The following TIA1 variants were observed in gnomAD, a reference collection of about 807,000 sequenced individuals.
The protein encoded by TIA1 is cytotoxic granule associated RNA binding protein TIA1.
A neutral mutation model predicts 65.9 loss-of-function variants in TIA1; 23 were observed. That is an observed-to-expected ratio of 0.35 (90% CI 0.25 to 0.49). TIA1 has a LOEUF of 0.49. TIA1 is among the 20% of genes least tolerant of loss of function. The pLI, the probability that TIA1 is intolerant of heterozygous loss-of-function variation, is 0.98. For synonymous variants in TIA1, 147 were observed against 149.4 expected (o/e 0.98, Z 0.12); for missense variants, 371 against 477.9 (o/e 0.78, Z 2.09).
At chr2:70,228,395 C>G (rs1279697256) in intron 5 of TIA1, 2 of 1,287,980 alleles carry the variant, frequency 1.6e-6, no homozygotes, top group Admixed American at 4.6e-5. Flanking sequence ...TCTCAAAAGC[C>G]AACAGTTTTG....
In TIA1 at chr2:70,212,033, C is replaced by T. The variant is rs1314982786; in HGVS notation, c.*686G>A. The T allele has an allele frequency of 6.6e-6, 1 of 152,528 alleles. No homozygotes were observed. Among genetic ancestry groups the T allele is most frequent in the Non-Finnish European group, 1.5e-5 (1 of 68,010 alleles). 9.4% of individuals were successfully genotyped at this position (152,528 alleles called of 1,614,324 possible). A position where few individuals can be genotyped will look rare whatever the true frequency, so the allele number is the denominator to read the frequency against. The stretch of plus-strand genomic sequence containing the variant: ...TCTTGAGGCACCTTCTCATATAAAA[C>T]ACAAGATGAATGCAATTATCAATCC... On this transcript the variant is annotated 3_prime_UTR_variant, in exon 13 of 13. Coordinates refer to ENST00000433529, the MANE Select transcript of TIA1 (RefSeq NM_022173.4).
At chr2:70,247,430 G>A (rs1694855261) in intron 1 of TIA1, among the ~76,000 whole-genome samples, 1 of 151,980 alleles carries the variant, frequency 6.6e-6, no homozygotes, top group Non-Finnish European at 1.5e-5. Context: ...CAAACTGCCA[G>A]TATTCCAAGA....
chr2:70,215,070 G>A, intron 11 of TIA1: 2 of 277,854 alleles, frequency 7.2e-6, no homozygotes, highest in Non-Finnish European at 1.3e-5. Flanking sequence ...ATGCTTGTGA[G>A]TTCTCCAAAT....
At chr2:70,231,239 T>C (rs935607101) in intron 2 of TIA1, among the ~76,000 whole-genome samples, 1 of 151,420 alleles carries the variant, frequency 6.6e-6, no homozygotes, top group African/African-American at 2.4e-5. Context: ...GAGGTGGAGG[T>C]TGCAGTAAGC....
intron 2 of TIA1, among the ~76,000 whole-genome samples, chr2:70,231,448 TA>T (rs201330386): frequency 1.2e-3 from 173 of 141,818 alleles, no homozygotes; most frequent in Admixed American, 1.1e-3. Flanking sequence ...AATTAAAAAG[TA>T]AAAAAAAAAA....
chr2:70,228,155 C>A (rs759197106), intron 5 of TIA1, among the ~76,000 whole-genome samples: 1 of 152,058 alleles, frequency 6.6e-6, no homozygotes, highest in Non-Finnish European at 1.5e-5. Context: ...GACTTAGTTA[C>A]CATTCTAATA....
rs761060738 is a variant in TIA1, at chr2:70,248,384, T to G, written c.26+21A>C. The G allele has an allele frequency of 5.0e-6, 8 of 1,598,088 alleles. No individual in the cohort carries two copies. The South Asian group carries it at 6.6e-5, about 13-fold the overall frequency. On this transcript the variant is annotated intron_variant, in intron 1 of 12. Transcript: ENST00000433529. ...CGGGACGACCACCATCCCGCCTCCC[T>G]CATCGCTGCCCCAGACTCACAGAGT... is the stretch of plus-strand genomic sequence containing the variant.
At chr2:70,237,809 C>T (rs894597476) in intron 1 of TIA1, among the ~76,000 whole-genome samples, 3 of 150,460 alleles carry the variant, frequency 2.0e-5, no homozygotes, top group East Asian at 2.0e-4. Flanking sequence ...GAGGTTGCAA[C>T]GAGCCCCGAT....
chr2:70,245,914 ATTTTTTTTT>A (rs199977940), intron 1 of TIA1, among the ~76,000 whole-genome samples: 8,769 of 124,846 alleles, frequency 0.07, 813 homozygotes, highest in African/African-American at 0.26. Context: ...ATTCTACCAG[ATTTTTTTTT>A]TTTTTTTTTT....
chr2:70,224,954 C>T (rs1683172035), intron 6 of TIA1: 1 of 1,066,634 alleles, frequency 9.4e-7, no homozygotes, highest in Non-Finnish European at 1.1e-6. Context: ...ATAAAGTTCA[C>T]AGGACATTAG....
chr2:70,240,037 C>T (rs1477017110), intron 1 of TIA1, among the ~76,000 whole-genome samples: 1 of 152,134 alleles, frequency 6.6e-6, no homozygotes, highest in Non-Finnish European at 1.5e-5. Context: ...TTAATTAATG[C>T]TTAAACTACT....
chr2:70,229,101 A>G lies in TIA1; in HGVS notation c.278-10T>C. On this transcript the variant is annotated splice_polypyrimidine_tract_variant and intron_variant, in intron 4 of 12. Transcript: ENST00000433529. ...CTGACAACGGTACTACCTGATGACA[A>G]AGATTAGATTTGTTCTTAAATTTAT... 1 of 1,613,852 alleles carries G rather than the reference A, an allele frequency of 6.2e-7. No individual in the cohort carries two copies. Among genetic ancestry groups the G allele is most frequent in the Non-Finnish European group, 8.5e-7 (1 of 1,179,846 alleles).
At chr2:70,228,381 G>C (rs1255107677) in intron 5 of TIA1, 4 of 1,288,194 alleles carry the variant, frequency 3.1e-6, no homozygotes, top group Non-Finnish European at 4.0e-6. Flanking sequence ...GTATTTGACA[G>C]TTTTCTCAAA....
intron 5 of TIA1, chr2:70,228,800 AT>A: frequency 7.3e-7 from 1 of 1,370,602 alleles, no homozygotes; most frequent in Non-Finnish European, 9.4e-7. Flanking sequence ...AAAGGAGGGT[AT>A]TTTGCCCCTT....
At chr2:70,220,789 G>A (rs1435627238) in intron 7 of TIA1, among the ~76,000 whole-genome samples, 5 of 151,950 alleles carry the variant, frequency 3.3e-5, no homozygotes, top group Non-Finnish European at 2.9e-5. Context: ...AGAAGCATAT[G>A]CAAACAACTC....
At chr2:70,216,051 CA>C (rs1210105216) in intron 10 of TIA1, 156 bp downstream of exon 10, 2 of 729,920 alleles carry the variant, frequency 2.7e-6, no homozygotes, top group South Asian at 1.9e-5. Context: ...CGCACCCGGC[CA>C]AAATTTCAAC....
At chr2:70,237,197 G>A (rs767153577) in intron 1 of TIA1, among the ~76,000 whole-genome samples, 6 of 151,792 alleles carry the variant, frequency 4.0e-5, no homozygotes, top group Non-Finnish European at 5.9e-5. Context: ...GAGGCCAGGA[G>A]TTGAGACCAG....
At chr2:70,238,460 AC>A (rs993637453) in intron 1 of TIA1, among the ~76,000 whole-genome samples, 35 of 151,458 alleles carry the variant, frequency 2.3e-4, no homozygotes, top group African/African-American at 8.5e-4. Context: ...TTTGGTAGAG[AC>A]GGGGTTTCAC....
At chr2:70,248,259 G>T (rs1695372351) in intron 1 of TIA1, 146 bp downstream of exon 1, 4 of 869,950 alleles carry the variant, frequency 4.6e-6, no homozygotes, top group Non-Finnish European at 1.7e-6. Flanking sequence ...GGTCTTGGTT[G>T]TAAGCATCCA....
Sources: gnomAD v4.1 joint callset for allele counts (sites outside exome capture counted in the v4.1 genomes callset) on GRCh38, gnomAD v4.1.1 for gene constraint, MANE v1.5 for transcripts, NCBI Gene and HGNC (gene_info 2026-07-23, HGNC 2026-07-21) for gene names.